UTRN: variants seen among roughly 807,000 people sequenced by gnomAD.
UTRN encodes the protein dystrophin-related protein 1.
In UTRN, 283 loss-of-function variants were observed where a neutral mutation model predicts 463.9. That is an observed-to-expected ratio of 0.61 (90% CI 0.55 to 0.67). The LOEUF (loss-of-function observed/expected upper bound fraction) is 0.67. Ranked by LOEUF, UTRN falls within the 30% of genes least tolerant of loss-of-function variation. The pLI is 0.00. For synonymous variants in UTRN, 1,442 were observed against 1,431.5 expected (o/e 1.01, Z -0.17); for missense variants, 3,922 against 4,084.3 (o/e 0.96, Z 1.08).
chr6:144,654,517 T>C (rs1779135295), intron 51 of UTRN, among the ~76,000 whole-genome samples: 1 of 152,274 alleles, frequency 6.6e-6, no homozygotes, highest in South Asian at 2.1e-4. Flanking sequence ...GTTGCTGTTA[T>C]TAAAATTTGT....
chr6:144,751,047 C>A (rs997079720), intron 55 of UTRN, among the ~76,000 whole-genome samples: 3 of 152,110 alleles, frequency 2.0e-5, no homozygotes, highest in African/African-American at 7.2e-5. Context: ...TAGATCTTAC[C>A]TCTTGAGTCT....
intron 60 of UTRN, among the ~76,000 whole-genome samples, chr6:144,777,269 A>G (rs915756394): frequency 6.6e-6 from 1 of 152,240 alleles, no homozygotes; most frequent in Non-Finnish European, 1.5e-5. Context: ...ATTTATAAAT[A>G]TAATACAGCA....
chr6:144,322,198 TC>T (rs755455060), intron 2 of UTRN, among the ~76,000 whole-genome samples: 1 of 152,254 alleles, frequency 6.6e-6, no homozygotes, highest in Non-Finnish European at 1.5e-5. Flanking sequence ...CAGTTTTTTT[TC>T]ACATGGAAAC....
chr6:144,490,097 T>C lies in UTRN; in HGVS notation c.4161T>C (p.His1387=), dbSNP rs1262623060. 2 of 1,611,288 alleles carry C rather than the reference T, an allele frequency of 1.2e-6. No individual in the cohort carries two copies. Among genetic ancestry groups the C allele is most frequent in the Non-Finnish European group, 8.5e-7 (1 of 1,178,430 alleles). Residue 1387 remains histidine, a synonymous_variant, in exon 31 of 75, where the codon CAT becomes CAC. Coordinates refer to ENST00000367545, the MANE Select transcript of UTRN (RefSeq NM_007124.3). ...AQKIQAEISA[H]ELTLEELRRN... ...AAATCCAAGCAGAGATCTCAGCCCA[T>C]GAGCTAACCCTAGAGGAGTTGAGAA...
intron 3 of UTRN, 93 bp from the exon 4 acceptor site, chr6:144,421,785 C>G (rs1424703602): frequency 2.3e-6 from 2 of 864,090 alleles, no homozygotes; most frequent in Non-Finnish European, 1.7e-6. Flanking sequence ...TTTAATTGAG[C>G]AAAAAATGAA....
chr6:144,754,817 G>A lies in UTRN; in HGVS notation c.8434+19G>A, dbSNP rs1406121478. 1.2e-6 allele frequency: 2 copies of A among 1,604,908 alleles called. No individual in the cohort carries two copies. Among genetic ancestry groups the A allele is most frequent in the African/African-American group, 1.3e-5 (1 of 74,534 alleles). On this transcript the variant is annotated intron_variant, in intron 57 of 74. Coordinates refer to ENST00000367545, the MANE Select transcript of UTRN (RefSeq NM_007124.3). The stretch of plus-strand genomic sequence containing the variant: ...CTCTCTAGTAAGTACTAATAAACTG[G>A]ACTGATCGCATTAATTGAATGAATT...
At chr6:144,742,955 T>C (rs1015313265) in intron 54 of UTRN, among the ~76,000 whole-genome samples, 2 of 152,232 alleles carry the variant, frequency 1.3e-5, no homozygotes, top group Non-Finnish European at 2.9e-5. Flanking sequence ...GGAATTACCA[T>C]ACCTGAAATG....
intron 28 of UTRN, 144 bp from the exon 29 acceptor site, chr6:144,487,404 A>C: frequency 1.4e-6 from 1 of 722,230 alleles, no homozygotes; most frequent in East Asian, 3.2e-5. Context: ...GTGAATTAGT[A>C]ATTTACTTAA....
intron 14 of UTRN, among the ~76,000 whole-genome samples, chr6:144,445,574 A>C (rs1218826849): frequency 6.7e-6 from 1 of 148,310 alleles, no homozygotes; most frequent in African/African-American, 2.5e-5. Context: ...CCCCGCCCTC[A>C]ATCTGTGGTC....
intron 23 of UTRN, among the ~76,000 whole-genome samples, chr6:144,467,642 G>C (rs528891210): frequency 3.3e-5 from 5 of 152,246 alleles, no homozygotes; most frequent in African/African-American, 1.2e-4. Context: ...GCTCCAACAG[G>C]CAGAACCAGG....
At chr6:144,812,319 A>G (rs1042643094) in intron 65 of UTRN, among the ~76,000 whole-genome samples, 5 of 152,072 alleles carry the variant, frequency 3.3e-5, no homozygotes, top group Admixed American at 1.3e-4. Context: ...GACCTAGTAA[A>G]GCCGTTTATT....
intron 66 of UTRN, 141 bp downstream of exon 66, chr6:144,821,159 A>AC (rs1292107786): frequency 1.2e-5 from 13 of 1,103,450 alleles, no homozygotes; most frequent in Non-Finnish European, 1.2e-5. Flanking sequence ...AGTCTTCACA[A>AC]CATGAATTTT....
Position 144,487,522 on chromosome 6 carries a change from AT to A in UTRN, c.3823-17del, listed in dbSNP as rs531671443. On this transcript the variant is annotated intron_variant, in intron 28 of 74. Coordinates refer to ENST00000367545, the MANE Select transcript of UTRN (RefSeq NM_007124.3). ...CTTTTGCCTTAGTAAATGCATTATT[AT>A]TTTTTTTTCCCATCTCCATTCCAGT... The A allele has an allele frequency of 1.3e-3, 1,958 of 1,547,664 alleles. 4 individuals carry two copies. Among genetic ancestry groups the A allele is most frequent in the South Asian group, 2.6e-3 (216 of 82,286 alleles).
At position 144,683,974 on chromosome 6, in the gene UTRN, A is replaced by G. The variant is rs1182698317; in HGVS notation, c.7652+5396A>G. Among the ~76,000 whole-genome samples the G allele has an allele frequency of 6.6e-5, 10 of 151,650 alleles. 1 individual carries two copies. Among genetic ancestry groups the G allele is most frequent in the Non-Finnish European group, 2.9e-5 (2 of 67,928 alleles). On this transcript the variant is annotated intron_variant, in intron 52 of 74. Transcript: ENST00000367545. Reference sequence around the variant, plus strand: ...GCATCCATTATCCTAATCTTTCATCATCTTATTTCTGCTTCTTCCTGATCT... The same window carrying G: ...GCATCCATTATCCTAATCTTTCATCGTCTTATTTCTGCTTCTTCCTGATCT...
intron 26 of UTRN, among the ~76,000 whole-genome samples, chr6:144,481,333 G>A (rs1791835754): frequency 6.6e-6 from 1 of 152,134 alleles, no homozygotes; most frequent in Admixed American, 6.5e-5. Flanking sequence ...CAACCTGATA[G>A]GTTGATTTTC....
chr6:144,369,622 A>G (rs1247834234), intron 2 of UTRN, among the ~76,000 whole-genome samples: 1 of 152,206 alleles, frequency 6.6e-6, no homozygotes, highest in Non-Finnish European at 1.5e-5. Context: ...CTCAAAAAAG[A>G]AAACAAAACA....
chr6:144,425,343 G>T (rs539283213), intron 6 of UTRN, among the ~76,000 whole-genome samples: 1 of 152,184 alleles, frequency 6.6e-6, no homozygotes, highest in Admixed American at 6.5e-5. Context: ...TGTTAACTTT[G>T]ATTGTTTGGC....
intron 2 of UTRN, among the ~76,000 whole-genome samples, chr6:144,351,332 A>G (rs977958131): frequency 6.6e-6 from 1 of 152,226 alleles, no homozygotes; most frequent in African/African-American, 2.4e-5. Context: ...GAGGCCCCGT[A>G]TGCACCATCA....
intron 53 of UTRN, among the ~76,000 whole-genome samples, chr6:144,713,176 T>A (rs564128115): frequency 3.3e-5 from 5 of 152,352 alleles, no homozygotes; most frequent in Non-Finnish European, 7.3e-5. Context: ...CCTAAGAGCA[T>A]TTCCTTTGAG....
Sources: allele counts gnomAD v4.1 joint callset (sites outside exome capture counted in the v4.1 genomes callset), GRCh38; gene constraint gnomAD v4.1.1; transcripts MANE v1.5; gene names NCBI Gene and HGNC (gene_info 2026-07-23, HGNC 2026-07-21).